The following OR2I1 variants were observed in gnomAD, a reference collection of about 807,000 sequenced individuals.
OR2I1 encodes putative olfactory receptor 2I1.
At chr6:29,557,051 G>A in the OR2I1 span, 1 of 152,200 alleles carries the variant, frequency 6.6e-6, no homozygotes, top group Admixed American at 6.5e-5. Flanking sequence ...AGACACAACT[G>A]ACCAGCAAAG....
At chr6:29,551,158 T>C in the OR2I1 span, among the ~76,000 whole-genome samples, 53 of 152,340 alleles carry the variant, frequency 3.5e-4, no homozygotes, top group Admixed American at 8.5e-4. Flanking sequence ...TGAACAGTTA[T>C]GTGTCCGTGT....
At chr6:29,554,445 TCCTC>T in the OR2I1 span, 1 of 285,366 alleles carries the variant, frequency 3.5e-6, no homozygotes, top group Non-Finnish European at 6.5e-6. Flanking sequence ...GCCTTTAGCT[TCCTC>T]CCTATCTGAT....
At chr6:29,554,290 T>C in the OR2I1 span, 1 of 397,434 alleles carries the variant, frequency 2.5e-6, no homozygotes, top group Non-Finnish European at 4.4e-6. Context: ...TCCTAAGGAG[T>C]CCAATGGGGG....
chr6:29,555,037 GCCCTCATCCTGGAGAAGAC>G, the OR2I1 span: 1 of 152,278 alleles, frequency 6.6e-6, no homozygotes, highest in Non-Finnish European at 1.5e-5. Context: ...CCAGACTGGC[GCCCTCATCCTGGAGAAGAC>G]CTGCTAGACC....
At chr6:29,554,499 G>A in the OR2I1 span, 5 of 195,224 alleles carry the variant, frequency 2.6e-5, no homozygotes, top group Non-Finnish European at 4.1e-5. Context: ...GCAATCAGAA[G>A]TCTCAAGTTG....
chr6:29,555,955 A>G, the OR2I1 span: 2 of 1,613,000 alleles, frequency 1.2e-6, no homozygotes, highest in Non-Finnish European at 8.5e-7. Context: ...TCATCTTCCC[A>G]TCTTCCAGTC....
chr6:29,553,783 G>C, the OR2I1 span: 2 of 398,588 alleles, frequency 5.0e-6, no homozygotes, highest in Non-Finnish European at 4.4e-6. Context: ...GCTGGCCTGC[G>C]GAGGCGACGG....
At chr6:29,556,113 G>A in the OR2I1 span, 2 of 1,612,998 alleles carry the variant, frequency 1.2e-6, no homozygotes, top group African/African-American at 1.3e-5. Context: ...AGAAACAAGG[G>A]CAGCTCCTCA....
the OR2I1 span, chr6:29,553,508 C>G: frequency 0.014 from 5,646 of 398,658 alleles, 180 homozygotes; most frequent in African/African-American, 0.074. Flanking sequence ...AGCCACTGCA[C>G]GGCCCAGCTG....
At chr6:29,557,568 C>T in the OR2I1 span, 4 of 152,178 alleles carry the variant, frequency 2.6e-5, no homozygotes, top group Non-Finnish European at 5.9e-5. Context: ...ATTAGGACCC[C>T]CTCCATGAAT....
chr6:29,556,179 C>T, the OR2I1 span: 2 of 1,613,058 alleles, frequency 1.2e-6, no homozygotes, highest in East Asian at 4.5e-5. Flanking sequence ...TTGTCAATGC[C>T]ATAAGATGAG....
chr6:29,553,848 G>GT, the OR2I1 span: 2 of 398,738 alleles, frequency 5.0e-6, no homozygotes, highest in East Asian at 7.1e-5. Context: ...TGCTGCTGCC[G>GT]TTTGCCGTCA....
chr6:29,555,819 G>A, the OR2I1 span: 41 of 1,337,454 alleles, frequency 3.1e-5, no homozygotes, highest in Admixed American at 5.9e-4. Flanking sequence ...TGTGTTCGTT[G>A]AGTAAGAGAT....
At chr6:29,551,317 C>T in the OR2I1 span, among the ~76,000 whole-genome samples, 1 of 152,336 alleles carries the variant, frequency 6.6e-6, no homozygotes, top group East Asian at 1.9e-4. Flanking sequence ...TAAGACTTTG[C>T]ATGTCCTTTC....
At chr6:29,556,784 C>T in the OR2I1 span, 2 of 163,592 alleles carry the variant, frequency 1.2e-5, no homozygotes, top group Non-Finnish European at 2.7e-5. Context: ...TGGTGAAACT[C>T]TGTCTCTACT....
At chr6:29,553,808 A>G in the OR2I1 span, 40 of 398,610 alleles carry the variant, frequency 1.0e-4, no homozygotes, top group Non-Finnish European at 1.6e-4. Flanking sequence ...ACTACCGAGA[A>G]CCAGATGTTC....
chr6:29,553,573 C>A, the OR2I1 span: 2 of 398,352 alleles, frequency 5.0e-6, no homozygotes, highest in Non-Finnish European at 8.9e-6. Flanking sequence ...GGTGATGGCT[C>A]TGGACCGCGC....
the OR2I1 span, chr6:29,555,973 A>G: frequency 1.9e-6 from 3 of 1,612,840 alleles, no homozygotes; most frequent in Non-Finnish European, 1.7e-6. Context: ...GTCTCTTTCC[A>G]TTGCAAGTCA....
chr6:29,556,099 C>T, the OR2I1 span: 2 of 1,613,096 alleles, frequency 1.2e-6, no homozygotes, highest in Non-Finnish European at 1.7e-6. Context: ...CACCTGACTC[C>T]ACAAGAAACA....
Sources: allele counts gnomAD v4.1 joint callset (sites outside exome capture counted in the v4.1 genomes callset), GRCh38; gene constraint gnomAD v4.1.1; transcripts MANE v1.5; gene names NCBI Gene and HGNC (gene_info 2026-07-23, HGNC 2026-07-21).